Variants in CSMD1 observed in about 807,000 individuals in gnomAD.
CSMD1 encodes CUB and sushi domain-containing protein 1.
Under a neutral mutation model 417.5 loss-of-function variants are expected in CSMD1, and 213 were observed. That is an observed-to-expected ratio of 0.51 (90% CI 0.46 to 0.57). The LOEUF is 0.57. CSMD1 is among the 20% of genes least tolerant of loss of function. The probability of loss-of-function intolerance (pLI) is 0.00; values close to 1 mark genes in which losing one functional copy is unlikely to be tolerated. For missense variants in CSMD1, 6,923 were observed against 4,529.7 expected (o/e 1.53, Z -15.17); for synonymous variants, 2,862 against 1,736.8 (o/e 1.65, Z -16.11).
intron 49 of CSMD1, among the ~76,000 whole-genome samples, chr8:3,059,310 G>A (rs892373115): frequency 1.3e-5 from 2 of 150,386 alleles, no homozygotes; most frequent in African/African-American, 4.9e-5. Flanking sequence ...AAAAACACGA[G>A]GGCTTCTGTC....
chr8:4,115,473 G>T (rs1157185911), intron 3 of CSMD1, among the ~76,000 whole-genome samples: 2 of 152,002 alleles, frequency 1.3e-5, no homozygotes, highest in African/African-American at 4.8e-5. Context: ...TATATATAAT[G>T]CTTTAGACGT....
At position 4,290,785 on chromosome 8, in the gene CSMD1, G is replaced by A. The variant is rs116617926; in HGVS notation, c.415+129168C>T. Among the ~76,000 whole-genome samples, 173 of 152,050 alleles carry A rather than the reference G, an allele frequency of 1.1e-3. 1 individual carries two copies. The highest frequency in any genetic ancestry group is 4.1e-3 in the African/African-American group (172 of 41,462). ...TTCTATTCTGTAAGTCTGATTTTTT[G>A]GTAAGCTTTTACTTTCAAGAAATCA... is the stretch of plus-strand genomic sequence containing the variant. On this transcript the variant is annotated intron_variant, in intron 3 of 69. Coordinates refer to ENST00000635120, the MANE Select transcript of CSMD1 (RefSeq NM_033225.6).
intron 3 of CSMD1, among the ~76,000 whole-genome samples, chr8:4,086,545 A>C (rs1353810761): frequency 6.6e-6 from 1 of 152,200 alleles, no homozygotes; most frequent in Non-Finnish European, 1.5e-5. Context: ...TCAAGCTCTT[A>C]AAATAGGGCC....
At chr8:4,222,911 C>A (rs879793396) in intron 3 of CSMD1, among the ~76,000 whole-genome samples, 1 of 151,786 alleles carries the variant, frequency 6.6e-6, no homozygotes, top group African/African-American at 2.4e-5. Flanking sequence ...GAAAGTTATG[C>A]AAAGCGTTTA....
chr8:3,758,781 A>G (rs1207221103), intron 5 of CSMD1, among the ~76,000 whole-genome samples: 1 of 152,182 alleles, frequency 6.6e-6, no homozygotes, highest in Non-Finnish European at 1.5e-5. Context: ...GTGTCACCTG[A>G]CATGGCTCAT....
Position 3,983,125 on chromosome 8 carries a change from ATCTT to A in CSMD1, c.818+14774_818+14777del, listed in dbSNP as rs201127165. On this transcript the variant is annotated intron_variant, in intron 5 of 69. Coordinates refer to ENST00000635120, the MANE Select transcript of CSMD1 (RefSeq NM_033225.6). The stretch of plus-strand genomic sequence containing the variant: ...CAGACATCGTTATGCATCCTCCCAC[ATCTT>A]TCTTTCTTTTTTTTTTTTTGAGACG... 2.3e-4 allele frequency among the ~76,000 whole-genome samples: 26 copies of A among 115,434 alleles called. No individual in the cohort carries two copies. In the East Asian group the frequency reaches 5.6e-3, roughly 25 times the overall value. The allele number at this position is 115,434 out of a possible 152,430, so 75.7% of individuals were successfully genotyped here.
At chr8:3,601,977 C>T (rs1360000136) in intron 8 of CSMD1, among the ~76,000 whole-genome samples, 7 of 152,056 alleles carry the variant, frequency 4.6e-5, no homozygotes, top group South Asian at 2.1e-4. Flanking sequence ...TGGTGGCTGT[C>T]GGGAGATGTG....
intron 8 of CSMD1, among the ~76,000 whole-genome samples, chr8:3,588,236 G>A (rs144283994): frequency 1.1e-4 from 16 of 151,942 alleles, no homozygotes; most frequent in Admixed American, 4.6e-4. Context: ...GTACCAAAGC[G>A]GCAGAAGTGA....
intron 3 of CSMD1, among the ~76,000 whole-genome samples, chr8:4,085,575 GA>G (rs1800375763): frequency 6.6e-6 from 1 of 152,142 alleles, no homozygotes; most frequent in Non-Finnish European, 1.5e-5. Context: ...AGAAGAATAT[GA>G]AAGAAACTAT....
chr8:3,635,112 T>C (rs1028919290), intron 7 of CSMD1, among the ~76,000 whole-genome samples: 6 of 152,060 alleles, frequency 3.9e-5, no homozygotes, highest in Admixed American at 6.5e-5. Context: ...GGCCTTGACG[T>C]TGCTCTGGGT....
chr8:4,182,593 C>T (rs960479803), intron 3 of CSMD1, among the ~76,000 whole-genome samples: 1 of 152,080 alleles, frequency 6.6e-6, no homozygotes, highest in Admixed American at 6.6e-5. Context: ...TAGCATTCTA[C>T]TCTGAGGGAA....
chr8:3,439,340 G>T, intron 12 of CSMD1, among the ~76,000 whole-genome samples: 1 of 96,504 alleles, frequency 1.0e-5, no homozygotes, highest in South Asian at 3.5e-4. Context: ...TTTTAATTTT[G>T]GACATTTTGA....
At chr8:3,270,075 A>C (rs1032724383) in intron 26 of CSMD1, among the ~76,000 whole-genome samples, 3 of 115,960 alleles carry the variant, frequency 2.6e-5, no homozygotes, top group African/African-American at 9.9e-5. Context: ...TTTGAGATGG[A>C]GTCTTGCTCT....
chr8:4,818,160 G>T (rs138555609), intron 1 of CSMD1, among the ~76,000 whole-genome samples: 80 of 152,234 alleles, frequency 5.3e-4, no homozygotes, highest in African/African-American at 1.8e-3. Context: ...TGTGACAAAT[G>T]AGATTTATAT....
chr8:3,090,431 T>C (rs572550180), intron 48 of CSMD1, among the ~76,000 whole-genome samples: 20 of 151,822 alleles, frequency 1.3e-4, no homozygotes, highest in Non-Finnish European at 2.6e-4. Context: ...GGTCTGAGTA[T>C]ATTTTATTAA....
In CSMD1 at chr8:4,787,569, T is replaced by G. The variant is rs1025930795; in HGVS notation, c.86-150011A>C. 4.7e-6 allele frequency: 7 copies of G among 1,486,142 alleles called. No homozygotes were observed. The African/African-American group carries it at 6.9e-5, about 15-fold the overall frequency. 92.1% of individuals were successfully genotyped at this position (1,486,142 alleles called of 1,614,324 possible). On this transcript the variant is annotated intron_variant, in intron 1 of 69. Transcript: ENST00000635120. ...ACCAGAAAATGTGGGGAGACAGCTT[T>G]CATTGCACCCCAGTGCGAAATGATT...
intron 8 of CSMD1, among the ~76,000 whole-genome samples, chr8:3,590,210 G>T (rs1430049577): frequency 6.6e-6 from 1 of 152,074 alleles, no homozygotes; most frequent in Non-Finnish European, 1.5e-5. Flanking sequence ...TAGGAAGATA[G>T]GCACAACCCA....
chr8:4,779,995 C>G (rs868784732), intron 1 of CSMD1, among the ~76,000 whole-genome samples: 1 of 151,714 alleles, frequency 6.6e-6, no homozygotes, highest in Non-Finnish European at 1.5e-5. Flanking sequence ...AGCAAACATT[C>G]TTTTCTCTTC....
rs188578283 is a variant in CSMD1, at chr8:4,132,673, G to C, written c.416-100574C>G. The stretch of plus-strand genomic sequence containing the variant: ...TATCTTCACAACTCATGACAAACCT[G>C]ATGAGCCTCGCAACTCAATGTGGGG... On this transcript the variant is annotated intron_variant, in intron 3 of 69. Transcript: ENST00000635120. Among the ~76,000 whole-genome samples, 8 of 152,224 alleles carry C rather than the reference G, an allele frequency of 5.3e-5. No homozygotes were observed. In the East Asian group the frequency reaches 1.6e-3, roughly 30 times the overall value.
Sources: allele counts gnomAD v4.1 joint callset (sites outside exome capture counted in the v4.1 genomes callset), GRCh38; gene constraint gnomAD v4.1.1; transcripts MANE v1.5; gene names NCBI Gene and HGNC (gene_info 2026-07-23, HGNC 2026-07-21).